The following ERC2 variants were observed in gnomAD, a reference collection of about 807,000 sequenced individuals.
ERC2 encodes ELKS/RAB6-interacting/CAST family member 2.
In ERC2, 42 loss-of-function variants were observed where a neutral mutation model predicts 114.8. The observed-to-expected ratio is 0.37, with a 90% CI of 0.29 to 0.47. The LOEUF is 0.47. Ranked by LOEUF, ERC2 falls within the 20% of genes least tolerant of loss-of-function variation. The pLI is 0.99. For missense variants in ERC2, 939 were observed against 1,150.7 expected (o/e 0.82, Z 2.66); for synonymous variants, 454 against 425.5 (o/e 1.07, Z -0.82).
chr3:55,520,486 C>CAACAAG (rs1370543562), intron 17 of ERC2, among the ~76,000 whole-genome samples: 1 of 149,420 alleles, frequency 6.7e-6, no homozygotes, highest in African/African-American at 2.5e-5. Flanking sequence ...TCTCCAGAAG[C>CAACAAG]AACAAGAACA....
chr3:55,940,245 A>G (rs985021884), intron 13 of ERC2, among the ~76,000 whole-genome samples: 2 of 152,046 alleles, frequency 1.3e-5, no homozygotes, highest in African/African-American at 2.4e-5. Context: ...AGGATTTCAG[A>G]GTTGAAAGGG....
At chr3:56,449,387 G>A (rs898542248) in intron 1 of ERC2, among the ~76,000 whole-genome samples, 1 of 152,324 alleles carries the variant, frequency 6.6e-6, no homozygotes, top group South Asian at 2.1e-4. Flanking sequence ...AGTGGACGGT[G>A]CAGTCAGAGG....
At chr3:56,307,373 A>G (rs1205464767) in intron 2 of ERC2, among the ~76,000 whole-genome samples, 1 of 152,220 alleles carries the variant, frequency 6.6e-6, no homozygotes, top group African/African-American at 2.4e-5. Flanking sequence ...ATTACAGTGT[A>G]GGGAGGAAAG....
chr3:55,556,756 AC>A (rs1231363029), intron 17 of ERC2, among the ~76,000 whole-genome samples: 1 of 152,196 alleles, frequency 6.6e-6, no homozygotes, highest in Non-Finnish European at 1.5e-5. Flanking sequence ...CCTGGGACCC[AC>A]CATGCATGAA....
intron 17 of ERC2, among the ~76,000 whole-genome samples, chr3:55,661,891 C>T (rs987106802): frequency 3.3e-5 from 5 of 151,994 alleles, no homozygotes; most frequent in African/African-American, 1.2e-4. Flanking sequence ...TAAATATGGA[C>T]TTTTCAATCC....
At chr3:55,578,970 A>G (rs1355366735) in intron 17 of ERC2, among the ~76,000 whole-genome samples, 1 of 152,144 alleles carries the variant, frequency 6.6e-6, no homozygotes, top group Non-Finnish European at 1.5e-5. Flanking sequence ...AGACAGAGAG[A>G]GAGCTTGAGC....
chr3:56,047,920 A>C (rs1010279468), intron 7 of ERC2, among the ~76,000 whole-genome samples: 2 of 152,176 alleles, frequency 1.3e-5, no homozygotes, highest in Non-Finnish European at 2.9e-5. Flanking sequence ...CCACAAAAAA[A>C]GAAGCAGCTT....
intron 13 of ERC2, among the ~76,000 whole-genome samples, chr3:55,916,043 A>C (rs1326398884): frequency 6.6e-6 from 1 of 152,162 alleles, no homozygotes. Flanking sequence ...GCTGATGCAA[A>C]GTCCTAGAGC....
At chr3:55,980,748 A>G (rs1378812373) in intron 12 of ERC2, among the ~76,000 whole-genome samples, 1 of 126,036 alleles carries the variant, frequency 7.9e-6, no homozygotes, top group Non-Finnish European at 1.6e-5. Flanking sequence ...AAGGTTTTAG[A>G]AAAAAAAAAA....
intron 3 of ERC2, 93 bp from the exon 4 acceptor site, chr3:56,173,613 GGTTCCCCTT>G (rs2082803172): frequency 2.4e-5 from 28 of 1,167,476 alleles, no homozygotes; most frequent in Non-Finnish European, 3.5e-5. Context: ...GCTGGGTCCT[GGTTCCCCTT>G]GCACAGACAT....
intron 14 of ERC2, among the ~76,000 whole-genome samples, chr3:55,739,209 G>A (rs138988005): frequency 0.014 from 2,194 of 152,216 alleles, 52 homozygotes; most frequent in African/African-American, 0.049. Context: ...GAATAGTGCC[G>A]CAATAAACAT....
At chr3:56,061,523 G>A (rs780887948) in intron 7 of ERC2, among the ~76,000 whole-genome samples, 2 of 152,092 alleles carry the variant, frequency 1.3e-5, no homozygotes, top group Non-Finnish European at 2.9e-5. Context: ...CAAAAGAAAG[G>A]AAGGGACTTT....
At chr3:56,049,725 A>T (rs949814581) in intron 7 of ERC2, among the ~76,000 whole-genome samples, 2 of 152,094 alleles carry the variant, frequency 1.3e-5, no homozygotes, top group Non-Finnish European at 2.9e-5. Flanking sequence ...TTTGGGACTC[A>T]CACTGGCTTC....
intron 17 of ERC2, among the ~76,000 whole-genome samples, chr3:55,573,860 C>T (rs1390601873): frequency 6.6e-6 from 1 of 152,072 alleles, no homozygotes; most frequent in Non-Finnish European, 1.5e-5. Flanking sequence ...GATCTCCCTA[C>T]CTTTAAGTTT....
chr3:56,101,270 A>C (rs1166550844), intron 6 of ERC2, among the ~76,000 whole-genome samples: 1 of 152,154 alleles, frequency 6.6e-6, no homozygotes, highest in East Asian at 1.9e-4. Context: ...CATCACAAGA[A>C]CTGTTTCTGT....
chr3:55,690,385 G>A (rs981238575), intron 16 of ERC2, among the ~76,000 whole-genome samples: 1 of 152,146 alleles, frequency 6.6e-6, no homozygotes, highest in African/African-American at 2.4e-5. Flanking sequence ...CCTGCTTCCC[G>A]ACATTTCAAG....
rs1293349671 is a variant in ERC2 at position 56,007,110 on chromosome 3, C to T, written c.2061+71G>A. The T allele has an allele frequency of 3.5e-5, 48 of 1,379,348 alleles. No homozygotes were observed. The Admixed American group carries it at 3.6e-4, about 10-fold the overall frequency. 85.4% of individuals were successfully genotyped at this position (1,379,348 alleles called of 1,614,324 possible). ...TAAGGGGTTTGTTTCTTTTTAAAAA[C>T]GTCTCTTCCTGTTCCATTTTATAAA... On this transcript the variant is annotated intron_variant, in intron 10 of 17. Transcript: ENST00000288221.
chr3:56,291,196 A>T, intron 3 of ERC2, among the ~76,000 whole-genome samples: 1 of 152,244 alleles, frequency 6.6e-6, no homozygotes, highest in Non-Finnish European at 1.5e-5. Context: ...TAGATGGAAC[A>T]ATATGTTCTT....
chr3:56,325,869 G>A (rs568057292), intron 2 of ERC2, among the ~76,000 whole-genome samples: 1 of 152,258 alleles, frequency 6.6e-6, no homozygotes, highest in Admixed American at 6.5e-5. Flanking sequence ...ATTTCAGTCT[G>A]GCTCCGGAAC....
Sources: gnomAD v4.1 joint callset for allele counts (sites outside exome capture counted in the v4.1 genomes callset) on GRCh38, gnomAD v4.1.1 for gene constraint, MANE v1.5 for transcripts, NCBI Gene and HGNC (gene_info 2026-07-23, HGNC 2026-07-21) for gene names.